DHX37: variants seen among roughly 807,000 people sequenced by gnomAD.
The protein encoded by DHX37 is probable ATP-dependent RNA helicase DHX37.
In DHX37, 52 loss-of-function variants were observed where a neutral mutation model predicts 134.3. The ratio of observed to expected loss-of-function variants is 0.39; its 90% CI spans 0.31 to 0.49. The LOEUF (loss-of-function observed/expected upper bound fraction) is 0.49. Ranked by LOEUF, DHX37 falls within the 20% of genes least tolerant of loss-of-function variation. The pLI, the probability that DHX37 is intolerant of heterozygous loss-of-function variation, is 0.93. For missense variants in DHX37, 1,344 were observed against 1,580.8 expected (o/e 0.85, Z 2.54); for synonymous variants, 634 against 670.7 (o/e 0.95, Z 0.85).
intron 15 of DHX37, among the ~76,000 whole-genome samples, chr12:124,962,099 T>G (rs1954277388): frequency 6.6e-6 from 1 of 152,136 alleles, no homozygotes. Flanking sequence ...TCCCAGCTAC[T>G]TGGGAGGCTG....
chr12:124,963,878 CAAA>C (rs71092251), intron 15 of DHX37, among the ~76,000 whole-genome samples: 5 of 91,660 alleles, frequency 5.5e-5, no homozygotes, highest in African/African-American at 7.7e-5. Flanking sequence ...AGACTCGTCT[CAAA>C]AAAAAAAAAA....
rs1264024376 is a variant in DHX37, at chr12:124,968,867, C to G, written c.1293G>C (p.Lys431Asn). The change falls in exon 9 of 27, where the codon AAG (lysine) becomes AAC (asparagine). Residue 431 changes from lysine to asparagine, a missense_variant and splice_region_variant. Transcript: ENST00000308736. ...RLFAKPPPVI[K>N]VESRQFPVTV... Reference sequence around the variant, plus strand: ...CAGAGGACATGGGACCCTGTGTTACCTTGATGACCGGCGGCGGCTTGGCGA... The same window carrying G: ...CAGAGGACATGGGACCCTGTGTTACGTTGATGACCGGCGGCGGCTTGGCGA... The G allele has an allele frequency of 2.5e-6, 4 of 1,613,964 alleles. No individual in the cohort carries two copies. In the African/African-American group the frequency reaches 5.3e-5, roughly 22 times the overall value.
At chr12:124,984,390 G>A (rs980385024) in intron 2 of DHX37, among the ~76,000 whole-genome samples, 14 of 152,158 alleles carry the variant, frequency 9.2e-5, no homozygotes, top group East Asian at 3.9e-4. Flanking sequence ...AAAGTTAGCC[G>A]GACGTGGTGG....
chr12:124,949,872 CTT>C lies in DHX37; in HGVS notation c.3290+112_3290+113del, dbSNP rs1009285994. The C allele has an allele frequency of 2.5e-6, 3 of 1,200,448 alleles. No individual in the cohort carries two copies. Among genetic ancestry groups the C allele is most frequent in the African/African-American group, 3.0e-5 (2 of 66,056 alleles). 74.4% of individuals were successfully genotyped at this position (1,200,448 alleles called of 1,614,324 possible). On this transcript the variant is annotated intron_variant, in intron 25 of 26. Coordinates refer to ENST00000308736, the MANE Select transcript of DHX37 (RefSeq NM_032656.4). The surrounding 1 kb of genome is among the most constrained non-coding windows in gnomAD (Gnocchi z 4.0). ...CAGAGCCTTCAGACCTGAGCACAGA[CTT>C]CTGATGTTTTAAGCCTCCCTGTGTG...
chr12:124,966,312 C>T (rs1219317316), intron 12 of DHX37, among the ~76,000 whole-genome samples: 1 of 152,214 alleles, frequency 6.6e-6, no homozygotes, highest in Non-Finnish European at 1.5e-5. Context: ...AGGTGATCCA[C>T]CTGCCTCAGT....
chr12:124,955,209 G>C (rs1594475978), intron 18 of DHX37, among the ~76,000 whole-genome samples: 1 of 152,206 alleles, frequency 6.6e-6, no homozygotes, highest in Admixed American at 6.5e-5. Flanking sequence ...CTTTGAATTG[G>C]TGACTGGCAT....
chr12:124,950,749 T>C lies in DHX37; in HGVS notation c.2924A>G (p.Glu975Gly). 1 of 1,609,468 alleles carries C rather than the reference T, an allele frequency of 6.2e-7. No homozygotes were observed. ...FIHPSSVLFKELPEFVVYQEI... is the reference protein window; with the variant it reads ...FIHPSSVLFKGLPEFVVYQEI... ...CTGGTAGACCACAAACTCGGGGAGC[T>C]CTTTGAAAAGGACGGAGCTGGGGTG... The change falls in exon 22 of 27, where the codon GAG (glutamate) becomes GGG (glycine). Residue 975 changes from glutamate to glycine, a missense_variant. Glu to Gly is a moderately conservative substitution (Grantham distance 98). Around this residue, in one of 7 missense-constraint regions of DHX37, gnomAD observed 558 missense variants for 650.0 expected, o/e 0.86. Coordinates refer to ENST00000308736, the MANE Select transcript of DHX37 (RefSeq NM_032656.4).
In DHX37 at chr12:124,965,681, G is replaced by A. The variant is rs369336642; in HGVS notation, c.1722C>T (p.Gly574=). The change falls in exon 13 of 27, where the codon GGC becomes GGT. Residue 574 remains glycine (G), a synonymous_variant. Coordinates refer to ENST00000308736, the MANE Select transcript of DHX37 (RefSeq NM_032656.4). ...DSDLDLDLGD[G]GQDGGEQPDA... Reference sequence around the variant, plus strand: ...CTCGGGCCACACCTCCATCTTGCCCGCCATCCCCCAGGTCCAGATCGAGGT... The same window carrying A: ...CTCGGGCCACACCTCCATCTTGCCCACCATCCCCCAGGTCCAGATCGAGGT... 35 of 1,607,740 alleles carry A rather than the reference G, an allele frequency of 2.2e-5. No homozygotes were observed. The highest frequency in any genetic ancestry group is 4.5e-5 in the South Asian group (4 of 89,608).
chr12:124,982,753 T>C, intron 2 of DHX37, 130 bp from the exon 3 acceptor site: 1 of 1,266,010 alleles, frequency 7.9e-7, no homozygotes, highest in Non-Finnish European at 1.1e-6. Context: ...AAATTGCAAT[T>C]CTACTGGTGC....
At chr12:124,947,911 G>C (rs772565760) in intron 26 of DHX37, 24 bp from the exon 27 acceptor site, 12 of 1,610,678 alleles carry the variant, frequency 7.5e-6, no homozygotes, top group Non-Finnish European at 8.5e-6. Context: ...AAGGAGGACA[G>C]TGTCAGGGTG....
At chr12:124,957,286 G>T in intron 16 of DHX37, 151 bp from the exon 17 acceptor site, 1 of 587,060 alleles carries the variant, frequency 1.7e-6, no homozygotes, top group Non-Finnish European at 2.6e-6. Flanking sequence ...CACTCTCAAA[G>T]GCCAGGTCCC....
Position 124,949,782 on chromosome 12 carries a change from G to GCCC in DHX37, c.3290+201_3290+203dup, listed in dbSNP as rs982813629. ...AGAGACTGGAGTGATGTGGCCACAAGCCCAGGAGGCCGACAGAGGCAAGAC... is the reference window on the plus strand; with the variant it reads ...AGAGACTGGAGTGATGTGGCCACAAGCCCCCCAGGAGGCCGACAGAGGCAAGAC... On this transcript the variant is annotated intron_variant, in intron 25 of 26. Coordinates refer to ENST00000308736, the MANE Select transcript of DHX37 (RefSeq NM_032656.4). This position sits in a 1 kb window ranked among gnomAD's most constrained non-coding sequence, Gnocchi z 4.0. 6.6e-6 allele frequency among the ~76,000 whole-genome samples: 1 copy of GCCC among 152,112 alleles called. No individual in the cohort carries two copies. The highest frequency in any genetic ancestry group is 2.4e-5 in the African/African-American group (1 of 41,418).
At chr12:124,978,849 T>C (rs1168455679) in intron 4 of DHX37, among the ~76,000 whole-genome samples, 5 of 151,712 alleles carry the variant, frequency 3.3e-5, no homozygotes, top group South Asian at 2.1e-4. Flanking sequence ...GGAGGACCGC[T>C]TGAGCCCAGG....
rs1013447649 is a variant in DHX37 at position 124,949,284 on chromosome 12, C to T, written c.3290+702G>A. Among the ~76,000 whole-genome samples the T allele has an allele frequency of 6.6e-6, 1 of 152,208 alleles. No homozygotes were observed. Among genetic ancestry groups the T allele is most frequent in the Non-Finnish European group, 1.5e-5 (1 of 68,032 alleles). ...CCCACGCCCCATCTCGAGTCCCTGG[C>T]ACCTGCCTGCACCTTCAGGCCTGCC... is the stretch of plus-strand genomic sequence containing the variant. On this transcript the variant is annotated intron_variant, in intron 25 of 26. Coordinates refer to ENST00000308736, the MANE Select transcript of DHX37 (RefSeq NM_032656.4). This position sits in a 1 kb window ranked among gnomAD's most constrained non-coding sequence, Gnocchi z 4.0.
At chr12:124,970,794 C>T (rs568205405) in intron 8 of DHX37, among the ~76,000 whole-genome samples, 11 of 152,300 alleles carry the variant, frequency 7.2e-5, no homozygotes, top group African/African-American at 9.6e-5. Flanking sequence ...CTCTCCCCGC[C>T]GGGAGGGTGA....
At chr12:124,957,227 C>T (rs1954117658) in intron 16 of DHX37, 92 bp from the exon 17 acceptor site, 1 of 1,223,792 alleles carries the variant, frequency 8.2e-7, no homozygotes, top group African/African-American at 1.6e-5. Flanking sequence ...TCCCTCCAAC[C>T]CCTCTCTCCG....
At position 124,950,217 on chromosome 12, in the gene DHX37, T is replaced by A; in HGVS notation, c.3148A>T (p.Ile1050Phe). ...FYRVGWPLPA[I>F]EVDFPEGIDR... is the part of the protein sequence containing the mutation. Reference sequence around the variant, plus strand: ...ATCCCCTCTGGAAAATCCACCTCGATGGCGGGGAGCGGCCAGCCCACGCGA... The same window carrying A: ...ATCCCCTCTGGAAAATCCACCTCGAAGGCGGGGAGCGGCCAGCCCACGCGA... The change falls in exon 24 of 27, where the codon ATC becomes TTC. Residue 1050 changes from isoleucine (I) to phenylalanine (F), a missense_variant. Around this residue, in one of 7 missense-constraint regions of DHX37, gnomAD observed 558 missense variants for 650.0 expected, o/e 0.86. Transcript: ENST00000308736. 6.2e-7 allele frequency: 1 copy of A among 1,613,838 alleles called. No individual in the cohort carries two copies. The highest frequency in any genetic ancestry group is 8.5e-7 in the Non-Finnish European group (1 of 1,180,012).
At chr12:124,959,150 T>G (rs898181762) in intron 16 of DHX37, among the ~76,000 whole-genome samples, 3 of 149,478 alleles carry the variant, frequency 2.0e-5, no homozygotes, top group Non-Finnish European at 4.4e-5. Flanking sequence ...CTCGGCCCAT[T>G]GCAACCTCCG....
intron 14 of DHX37, 98 bp downstream of exon 14, chr12:124,964,832 C>G (rs1954344223): frequency 1.2e-5 from 18 of 1,447,458 alleles, no homozygotes; most frequent in Non-Finnish European, 1.6e-5. Context: ...GGATGCTGAT[C>G]AAACAGCAGA....
Sources: allele counts gnomAD v4.1 joint callset (sites outside exome capture counted in the v4.1 genomes callset), GRCh38; gene constraint gnomAD v4.1.1; regional missense constraint gnomAD v4.1.1; non-coding constraint Gnocchi (gnomAD v3.1); transcripts MANE v1.5; gene names NCBI Gene and HGNC (gene_info 2026-07-23, HGNC 2026-07-21).